RFTN2: variants seen among roughly 807,000 people sequenced by gnomAD.
RFTN2 encodes the protein raftlin family member 2.
In RFTN2, 34 loss-of-function variants were observed where a neutral mutation model predicts 52.7. The observed-to-expected ratio is 0.64, with a 90% CI of 0.49 to 0.86. The LOEUF is 0.86. RFTN2 is among the 40% of genes least tolerant of loss of function. The pLI is 0.00. For missense variants in RFTN2, 536 were observed against 600.1 expected, an observed-to-expected ratio of 0.89 and a Z score of 1.12; for synonymous variants, 203 against 217.7, an observed-to-expected ratio of 0.93 and a Z score of 0.59.
chr2:197,598,025 C>G (rs1482255564), intron 7 of RFTN2, among the ~76,000 whole-genome samples: 1 of 152,140 alleles, frequency 6.6e-6, no homozygotes, highest in Non-Finnish European at 1.5e-5. Flanking sequence ...AGAGCAAATT[C>G]AAGGGACAGC....
chr2:197,581,563 C>T (rs143604617), intron 8 of RFTN2, among the ~76,000 whole-genome samples: 140 of 152,246 alleles, frequency 9.2e-4, no homozygotes, highest in African/African-American at 3.1e-3. Context: ...TTCAATATAT[C>T]GATGACCTTC....
intron 5 of RFTN2, among the ~76,000 whole-genome samples, chr2:197,619,379 T>C (rs1256824899): frequency 1.3e-5 from 2 of 152,138 alleles, no homozygotes; most frequent in Non-Finnish European, 2.9e-5. Context: ...TGGGAGACTT[T>C]TCATTTTGTT....
intron 3 of RFTN2, among the ~76,000 whole-genome samples, chr2:197,643,490 C>T (rs1221148849): frequency 1.3e-5 from 2 of 152,148 alleles, no homozygotes; most frequent in African/African-American, 4.8e-5. Flanking sequence ...TTACATTAAA[C>T]ATTATTAGGT....
chr2:197,605,309 G>A (rs1295365235), intron 7 of RFTN2, among the ~76,000 whole-genome samples: 5 of 151,464 alleles, frequency 3.3e-5, no homozygotes, highest in African/African-American at 7.3e-5. Context: ...TCCGCCTCCC[G>A]GGTTCACGCC....
intron 5 of RFTN2, among the ~76,000 whole-genome samples, chr2:197,626,808 C>T (rs558457797): frequency 2.0e-5 from 3 of 151,562 alleles, no homozygotes; most frequent in South Asian, 2.1e-4. Context: ...TTAGTAGAGA[C>T]GGGGTTTCAC....
At chr2:197,580,564 G>C (rs1332762134) in intron 8 of RFTN2, among the ~76,000 whole-genome samples, 1 of 152,202 alleles carries the variant, frequency 6.6e-6, no homozygotes, top group African/African-American at 2.4e-5. Flanking sequence ...CTTCTTCCCA[G>C]ATCTTCTCAG....
chr2:197,649,767 A>G (rs1017312118), intron 1 of RFTN2, among the ~76,000 whole-genome samples: 1 of 152,168 alleles, frequency 6.6e-6, no homozygotes, highest in African/African-American at 2.4e-5. Context: ...GTTCTTTGCA[A>G]TCTTACTGTC....
chr2:197,601,404 T>C (rs570652264), intron 7 of RFTN2, among the ~76,000 whole-genome samples: 28 of 152,352 alleles, frequency 1.8e-4, no homozygotes, highest in Admixed American at 5.9e-4. Context: ...AAGTCCTTTC[T>C]GTGTACATTA....
chr2:197,626,617 C>T (rs149401825), intron 5 of RFTN2, among the ~76,000 whole-genome samples: 43,870 of 93,404 alleles, frequency 0.47, 11,335 homozygotes, highest in Middle Eastern at 0.69. Context: ...GAATAATCTT[C>T]TTTTTTTTTT....
At position 197,622,383 on chromosome 2, in the gene RFTN2, C is replaced by T. The variant is rs148633360; in HGVS notation, c.929-4462G>A. ...GCGGTGGCATGATCTTGGCTCACTG[C>T]AACCTCTACCTCCCCAGGCTCAAGC... is the stretch of plus-strand genomic sequence containing the variant. On this transcript the variant is annotated intron_variant, in intron 5 of 8. Coordinates refer to ENST00000295049, the MANE Select transcript of RFTN2 (RefSeq NM_144629.3). 8.5e-4 allele frequency among the ~76,000 whole-genome samples: 129 copies of T among 152,270 alleles called. No homozygotes were observed. In the East Asian group the frequency reaches 0.022, roughly 26 times the overall value.
At chr2:197,574,071 A>T (rs1250467395) in intron 8 of RFTN2, among the ~76,000 whole-genome samples, 2 of 152,046 alleles carry the variant, frequency 1.3e-5, no homozygotes, top group Admixed American at 6.6e-5. Context: ...TGGGGTGGAA[A>T]CTCCCACATG....
At chr2:197,653,057 A>C (rs1017983707) in intron 1 of RFTN2, among the ~76,000 whole-genome samples, 1 of 152,206 alleles carries the variant, frequency 6.6e-6, no homozygotes, top group Admixed American at 6.5e-5. Context: ...CTATCCAAAT[A>C]ATAATAACCA....
At chr2:197,573,150 T>G (rs932979949) in intron 8 of RFTN2, among the ~76,000 whole-genome samples, 2 of 151,960 alleles carry the variant, frequency 1.3e-5, no homozygotes, top group African/African-American at 4.8e-5. Flanking sequence ...TAGAAGCGAC[T>G]TTGGAACTGG....
intron 7 of RFTN2, among the ~76,000 whole-genome samples, chr2:197,597,458 T>G (rs1252064771): frequency 6.6e-6 from 1 of 152,182 alleles, no homozygotes; most frequent in African/African-American, 2.4e-5. Context: ...CCAAACTCTG[T>G]CATAGTACCT....
rs150725496 is a variant in RFTN2 at position 197,641,278 on chromosome 2, T to C, written c.438+2880A>G. Among the ~76,000 whole-genome samples, 1,382 of 151,868 alleles carry C rather than the reference T, an allele frequency of 9.1e-3. 27 individuals are homozygous for C. The highest frequency in any genetic ancestry group is 0.031 in the African/African-American group (1,287 of 41,382). On this transcript the variant is annotated intron_variant, in intron 3 of 8. Transcript: ENST00000295049. Reference sequence around the variant, plus strand: ...GAGAATTCTGAGAGCGGGGAGAGAGTGTGGGTGTGTGGAGCTAGGACAAGG... The same window carrying C: ...GAGAATTCTGAGAGCGGGGAGAGAGCGTGGGTGTGTGGAGCTAGGACAAGG...
chr2:197,603,130 G>GAGTTA (rs1428846427), intron 7 of RFTN2, among the ~76,000 whole-genome samples: 1 of 152,158 alleles, frequency 6.6e-6, no homozygotes, highest in Non-Finnish European at 1.5e-5. Flanking sequence ...GCTAAATGAT[G>GAGTTA]AGTTAATGGG....
chr2:197,674,339 CAA>C (rs1222944678), intron 1 of RFTN2, among the ~76,000 whole-genome samples: 49 of 34,266 alleles, frequency 1.4e-3, no homozygotes, highest in African/African-American at 4.5e-3. Flanking sequence ...TAGAGCAAAG[CAA>C]AAAAAAAAAA....
chr2:197,657,402 T>C (rs13000656), intron 1 of RFTN2, among the ~76,000 whole-genome samples: 39,361 of 152,060 alleles, frequency 0.26, 6,455 homozygotes, highest in East Asian at 0.51. Flanking sequence ...CCTTCTAGGA[T>C]ACAGAAAAAG....
intron 5 of RFTN2, 79 bp from the exon 6 acceptor site, chr2:197,618,000 C>T: frequency 8.5e-7 from 1 of 1,174,848 alleles, no homozygotes; most frequent in Admixed American, 2.9e-5. Flanking sequence ...TTAAATAACT[C>T]ATATAGGAAA....
Sources: allele counts gnomAD v4.1 joint callset (sites outside exome capture counted in the v4.1 genomes callset), GRCh38; gene constraint gnomAD v4.1.1; transcripts MANE v1.5; gene names NCBI Gene and HGNC (gene_info 2026-07-23, HGNC 2026-07-21).